TBC1D16: variants seen among roughly 807,000 people sequenced by gnomAD.
TBC1D16 encodes TBC1 domain family member 16, also known as CTD-2529O21.1.
A neutral mutation model predicts 74.7 loss-of-function variants in TBC1D16; 58 were observed. The ratio of observed to expected loss-of-function variants is 0.78; its 90% CI spans 0.63 to 0.97. TBC1D16 has a LOEUF of 0.97. TBC1D16 is among the 50% of genes least tolerant of loss of function. The probability of loss-of-function intolerance (pLI) is 0.00; values close to 1 mark genes in which losing one functional copy is unlikely to be tolerated. For missense variants in TBC1D16, 1,014 were observed against 1,079.5 expected (o/e 0.94, Z 0.85); for synonymous variants, 493 against 474.7 (o/e 1.04, Z -0.50).
At chr17:79,955,385 G>A (rs935573863) in intron 3 of TBC1D16, among the ~76,000 whole-genome samples, 2 of 152,154 alleles carry the variant, frequency 1.3e-5, no homozygotes, top group African/African-American at 4.8e-5. Context: ...CTGGCTTGGC[G>A]CAGAACACAC....
intron 1 of TBC1D16, among the ~76,000 whole-genome samples, chr17:80,025,094 C>CTAT (rs1568649840): frequency 1.3e-5 from 1 of 75,132 alleles, no homozygotes; most frequent in Admixed American, 1.2e-4. Context: ...ATGACACACA[C>CTAT]ACACCATATA....
chr17:79,952,791 C>T lies in TBC1D16; in HGVS notation c.807G>A (p.Leu269=), dbSNP rs761775150. The change falls in exon 4 of 12, where the codon CTG becomes CTA. Residue 269 remains leucine (L), a synonymous_variant. Coordinates refer to ENST00000310924, the MANE Select transcript of TBC1D16 (RefSeq NM_019020.4). Reference sequence around the variant, plus strand: ...GGAGGCCGTTGCTGTCCGGGAACCGCAGGCCGGCGTCGGAGCTGGACGGGG... The same window carrying T: ...GGAGGCCGTTGCTGTCCGGGAACCGTAGGCCGGCGTCGGAGCTGGACGGGG... ...SSPPSSSDAG[L]RFPDSNGLLQ... The T allele has an allele frequency of 2.5e-6, 4 of 1,610,934 alleles. No homozygotes were observed. The highest frequency in any genetic ancestry group is 4.5e-5 in the East Asian group (2 of 44,814).
intron 1 of TBC1D16, among the ~76,000 whole-genome samples, chr17:80,027,816 C>T (rs1002225050): frequency 1.1e-4 from 17 of 149,442 alleles, no homozygotes; most frequent in Admixed American, 2.0e-4. Context: ...TGCTTGAACC[C>T]GGGAGGCAGA....
At chr17:80,019,749 T>G (rs2036221468) in intron 1 of TBC1D16, among the ~76,000 whole-genome samples, 1 of 149,628 alleles carries the variant, frequency 6.7e-6, no homozygotes, top group African/African-American at 2.6e-5. Context: ...TCCTAAGACA[T>G]TTATGTATTC....
At chr17:79,945,324 G>A (rs1310415670) in intron 9 of TBC1D16, among the ~76,000 whole-genome samples, 1 of 152,228 alleles carries the variant, frequency 6.6e-6, no homozygotes, top group Non-Finnish European at 1.5e-5. Context: ...CTGTGGTGTG[G>A]TCCAGGGTGA....
At chr17:80,004,269 C>A (rs543790889) in intron 3 of TBC1D16, among the ~76,000 whole-genome samples, 34 of 152,340 alleles carry the variant, frequency 2.2e-4, no homozygotes, top group African/African-American at 7.9e-4. Flanking sequence ...ATCTGCACCT[C>A]AGGCCTCTTC....
intron 1 of TBC1D16, among the ~76,000 whole-genome samples, chr17:80,021,887 CAA>C (rs2036298419): frequency 6.7e-6 from 1 of 150,054 alleles, no homozygotes; most frequent in South Asian, 2.1e-4. Context: ...CCATGACACA[CAA>C]ACACACACCA....
rs2035847586 is a variant in TBC1D16, at chr17:80,010,501, C to G, written c.438G>C (p.Gln146His). Residue 146 changes from glutamine to histidine, a missense_variant, in exon 3 of 12, where the codon CAG (glutamine) becomes CAC (histidine). Gln to His is a conservative substitution (Grantham distance 24). Coordinates refer to ENST00000310924, the MANE Select transcript of TBC1D16 (RefSeq NM_019020.4). The surrounding 1 kb of genome is among the most constrained non-coding windows in gnomAD (Gnocchi z 8.8). ...PKDEDILVVA[Q>H]SVPDRMLASP... ...TGGCGAGCATGCGGTCTGGAACACTCTGGGCCACCACCAGGATGTCCTCAT... is the reference window on the plus strand; with the variant it reads ...TGGCGAGCATGCGGTCTGGAACACTGTGGGCCACCACCAGGATGTCCTCAT... 1.2e-6 allele frequency: 2 copies of G among 1,611,058 alleles called. No homozygotes were observed. Among genetic ancestry groups the G allele is most frequent in the Non-Finnish European group, 1.7e-6 (2 of 1,178,866 alleles).
intron 3 of TBC1D16, among the ~76,000 whole-genome samples, chr17:79,991,658 G>A (rs1188827890): frequency 6.6e-6 from 1 of 150,604 alleles, no homozygotes; most frequent in African/African-American, 2.4e-5. Flanking sequence ...GTCAGGTGGG[G>A]AGGCGCGCAG....
chr17:79,984,462 G>C (rs1215564075), intron 3 of TBC1D16, among the ~76,000 whole-genome samples: 3 of 152,024 alleles, frequency 2.0e-5, no homozygotes, highest in Non-Finnish European at 4.4e-5. Flanking sequence ...ACGGTGGTGA[G>C]CTGGGTATGG....
Position 79,948,975 on chromosome 17 carries a change from AC to A in TBC1D16, c.1437del (p.Phe480SerfsTer34), listed in dbSNP as rs2032803776. 6.2e-7 allele frequency: 1 copy of A among 1,614,014 alleles called. No individual in the cohort carries two copies. Among genetic ancestry groups the A allele is most frequent in the African/African-American group, 1.3e-5 (1 of 74,928 alleles). On this transcript the variant is annotated frameshift_variant, in exon 8 of 12. Coordinates refer to ENST00000310924, the MANE Select transcript of TBC1D16 (RefSeq NM_019020.4). LOFTEE classifies it high-confidence loss of function. Reference sequence around the variant, plus strand: ...ACAGTGAACTGCACATTACGCCAGAACGCTCTGTGCTCCTCGGGAGTCATGG... The same window carrying A: ...ACAGTGAACTGCACATTACGCCAGAAGCTCTGTGCTCCTCGGGAGTCATGG... Reference protein sequence around the residue: ...RLSMTPEEHRAFWRNVQFTVD... With the variant: ...RLSMTPEEHRXFWRNVQFTVD...
intron 3 of TBC1D16, among the ~76,000 whole-genome samples, chr17:79,972,892 G>A (rs1164747482): frequency 1.3e-5 from 2 of 151,942 alleles, no homozygotes; most frequent in Admixed American, 6.6e-5. Flanking sequence ...GACCAGCCTG[G>A]GTAACATGAT....
chr17:79,970,551 G>GT (rs1322645015), intron 3 of TBC1D16, among the ~76,000 whole-genome samples: 1 of 152,220 alleles, frequency 6.6e-6, no homozygotes, highest in Non-Finnish European at 1.5e-5. Flanking sequence ...AGTTCTGGGT[G>GT]TCCCCCACCC....
chr17:79,943,867 C>T (rs2032264632), intron 10 of TBC1D16: 4 of 1,396,064 alleles, frequency 2.9e-6, no homozygotes, highest in Admixed American at 3.0e-5. Context: ...ACTGGGAAAA[C>T]GTGCAATGAG....
In TBC1D16 at chr17:79,945,786, A is replaced by G. The variant is rs1052437797; in HGVS notation, c.1729-699T>C. Among the ~76,000 whole-genome samples the G allele has an allele frequency of 1.2e-4, 18 of 152,368 alleles. No individual in the cohort carries two copies. The East Asian group carries it at 3.3e-3, about 28-fold the overall frequency. ...CCAAGCAATGTGGACACCCGACGTCACACACACCCGTTGATGCAGAGTGAG... is the reference window on the plus strand; with the variant it reads ...CCAAGCAATGTGGACACCCGACGTCGCACACACCCGTTGATGCAGAGTGAG... On this transcript the variant is annotated intron_variant, in intron 9 of 11. Transcript: ENST00000310924.
chr17:80,021,316 T>C (rs2036273522), intron 1 of TBC1D16, among the ~76,000 whole-genome samples: 1 of 149,240 alleles, frequency 6.7e-6, no homozygotes, highest in African/African-American at 2.6e-5. Flanking sequence ...TCTAAAAAAT[T>C]AGCTGGGGGT....
In TBC1D16 at chr17:79,950,870, C is replaced by CAGTTA. The variant is rs1253503790; in HGVS notation, c.1090-293_1090-292insTAACT. The CAGTTA allele has an allele frequency of 6.6e-7, 1 of 1,513,176 alleles. No homozygotes were observed. Among genetic ancestry groups the CAGTTA allele is most frequent in the Admixed American group, 2.0e-5 (1 of 49,098 alleles). The allele number at this position is 1,513,176 out of a possible 1,614,324, so 93.7% of individuals were successfully genotyped here. A position where few individuals can be genotyped will look rare whatever the true frequency, so the allele number is the denominator to read the frequency against. On this transcript the variant is annotated intron_variant, in intron 5 of 11. Transcript: ENST00000310924. The surrounding 1 kb of genome is among the most constrained non-coding windows in gnomAD (Gnocchi z 4.6). ...AAACGGAATGAATGCCTCGTTCGGC[C>CAGTTA]TAACTTCCCTCTGCCGGGAGGGCCT...
chr17:79,984,570 G>GAC (rs1568611590), intron 3 of TBC1D16, among the ~76,000 whole-genome samples: 3 of 137,630 alleles, frequency 2.2e-5, no homozygotes, highest in East Asian at 2.3e-4. Context: ...AAGAGAGAGA[G>GAC]AGAAAGAAAG....
At chr17:80,005,609 A>G (rs2144628252) in intron 3 of TBC1D16, among the ~76,000 whole-genome samples, 1 of 152,262 alleles carries the variant, frequency 6.6e-6, no homozygotes, top group Admixed American at 6.5e-5. Context: ...AGGACGACGC[A>G]TTGGCGACAG....
Sources: allele counts gnomAD v4.1 joint callset (sites outside exome capture counted in the v4.1 genomes callset), GRCh38; gene constraint gnomAD v4.1.1; non-coding constraint Gnocchi (gnomAD v3.1); transcripts MANE v1.5; gene names NCBI Gene and HGNC (gene_info 2026-07-23, HGNC 2026-07-21).